The following TOX3 variants were observed in gnomAD, a reference collection of about 807,000 sequenced individuals.
The protein encoded by TOX3 is TOX high mobility group box family member 3, also known as CAG trinucleotide repeat-containing gene F9 protein.
TOX3 carries 22 observed loss-of-function variants against 64.3 expected under a neutral mutation model. The ratio of observed to expected loss-of-function variants is 0.34; its 90% CI spans 0.24 to 0.49. The LOEUF (loss-of-function observed/expected upper bound fraction) is 0.49. Among genes scored for constraint, TOX3 ranks in the 20% least tolerant of loss-of-function variants. TOX3 has a pLI of 0.99. For synonymous variants in TOX3, 291 were observed against 273.6 expected, an observed-to-expected ratio of 1.06 and a Z score of -0.63; for missense variants, 661 against 714.4, an observed-to-expected ratio of 0.93 and a Z score of 0.85.
intron 3 of TOX3, among the ~76,000 whole-genome samples, chr16:52,455,615 T>A (rs28437415): frequency 6.6e-6 from 1 of 152,072 alleles, no homozygotes; most frequent in Non-Finnish European, 1.5e-5. Context: ...AAGAGAGTTA[T>A]TGGGGAAGGA....
chr16:52,470,226 T>C (rs1596800776), intron 1 of TOX3, among the ~76,000 whole-genome samples: 1 of 152,242 alleles, frequency 6.6e-6, no homozygotes, highest in East Asian at 1.9e-4. Flanking sequence ...TTTTGATGAA[T>C]GAATGATGCT....
At chr16:52,488,359 C>T (rs2151455176) in intron 1 of TOX3, among the ~76,000 whole-genome samples, 1 of 152,260 alleles carries the variant, frequency 6.6e-6, no homozygotes, top group Non-Finnish European at 1.5e-5. Context: ...CTCTTCCTTT[C>T]TATCTCTTTT....
chr16:52,493,815 A>G (rs1961766046), intron 1 of TOX3, among the ~76,000 whole-genome samples: 1 of 152,094 alleles, frequency 6.6e-6, no homozygotes, highest in Non-Finnish European at 1.5e-5. Context: ...ACTCCTACCC[A>G]TTTAAGCACA....
chr16:52,511,429 T>A (rs1049094393), intron 1 of TOX3, among the ~76,000 whole-genome samples: 3 of 151,970 alleles, frequency 2.0e-5, no homozygotes, highest in Non-Finnish European at 2.9e-5. Context: ...GAGGCGGAGG[T>A]TGCAGTGGGC....
Position 52,546,739 on chromosome 16 carries a change from G to C in TOX3, c.-16C>G. ...TCACATCCATGCCGAAGCTGGGCCC[G>C]GGGCCGGGGGCCGGGACTGGGGTTC... On this transcript the variant is annotated 5_prime_UTR_variant, in exon 1 of 7. Transcript: ENST00000219746. The C allele has an allele frequency of 1.3e-6, 2 of 1,502,164 alleles. No individual in the cohort carries two copies. Among genetic ancestry groups the C allele is most frequent in the Non-Finnish European group, 1.8e-6 (2 of 1,130,420 alleles). 93.1% of individuals were successfully genotyped at this position (1,502,164 alleles called of 1,614,324 possible).
intron 1 of TOX3, among the ~76,000 whole-genome samples, chr16:52,498,587 T>G (rs1055130805): frequency 1.3e-5 from 2 of 151,250 alleles, no homozygotes; most frequent in African/African-American, 2.4e-5. Flanking sequence ...CTTTGTGGGG[T>G]TGGGGGGGGG....
intron 1 of TOX3, among the ~76,000 whole-genome samples, chr16:52,501,844 A>G (rs1567338311): frequency 6.6e-6 from 1 of 152,208 alleles, no homozygotes; most frequent in African/African-American, 2.4e-5. Context: ...TGTAAGAGAC[A>G]ACCATGTCAA....
At chr16:52,503,287 G>C (rs912951822) in intron 1 of TOX3, among the ~76,000 whole-genome samples, 1 of 152,144 alleles carries the variant, frequency 6.6e-6, no homozygotes, top group African/African-American at 2.4e-5. Context: ...TTGGGAAACT[G>C]ACCTGCCATC....
intron 1 of TOX3, among the ~76,000 whole-genome samples, chr16:52,517,102 A>G (rs1356882695): frequency 6.6e-5 from 10 of 152,192 alleles, no homozygotes; most frequent in Admixed American, 6.6e-4. Flanking sequence ...AATGAGTACA[A>G]AAATTAGGGG....
Position 52,450,284 on chromosome 16 carries a change from G to C in TOX3, c.671C>G (p.Ala224Gly), listed in dbSNP as rs73583125. The C allele has an allele frequency of 2.0e-3, 3,201 of 1,613,990 alleles. 62 individuals are homozygous for C. The African/African-American group carries it at 0.038, about 19-fold the overall frequency. ...SSINEEDADEANRAIGEKRAA... is the reference protein window; with the variant it reads ...SSINEEDADEGNRAIGEKRAA... Reference sequence around the variant, plus strand: ...AAGGCAGTTCTAACTTACTCTGTTGGCTTCATCAGCATCCTCTTCATTGAT... The same window carrying C: ...AAGGCAGTTCTAACTTACTCTGTTGCCTTCATCAGCATCCTCTTCATTGAT... Residue 224 changes from alanine (A) to glycine (G), a missense_variant, in exon 4 of 7, where the codon GCC becomes GGC. Physicochemically the swap from Ala to Gly is moderately conservative, Grantham distance 60. This residue lies in a region of TOX3 where 103 missense variants were observed against 161.2 expected (regional missense o/e 0.64). Transcript: ENST00000219746.
intron 1 of TOX3, among the ~76,000 whole-genome samples, chr16:52,535,664 C>T (rs1440732583): frequency 2.0e-5 from 3 of 152,170 alleles, no homozygotes; most frequent in Admixed American, 2.0e-4. Flanking sequence ...CTAATGTACC[C>T]TCTTTGCTAT....
intron 2 of TOX3, among the ~76,000 whole-genome samples, chr16:52,464,841 T>C (rs529141512): frequency 1.3e-5 from 2 of 152,056 alleles, no homozygotes; most frequent in South Asian, 4.1e-4. Context: ...ACATGAACAT[T>C]TTAATATGTA....
chr16:52,497,955 C>T (rs890623096), intron 1 of TOX3, among the ~76,000 whole-genome samples: 2 of 152,120 alleles, frequency 1.3e-5, no homozygotes, highest in African/African-American at 4.8e-5. Context: ...TATTGAGATT[C>T]ACCGTAGAAC....
At chr16:52,522,745 GT>G (rs1401941315) in intron 1 of TOX3, among the ~76,000 whole-genome samples, 4 of 152,212 alleles carry the variant, frequency 2.6e-5, no homozygotes, top group Non-Finnish European at 4.4e-5. Flanking sequence ...TGTGCAGATG[GT>G]TCCCAAGTCT....
chr16:52,526,359 G>A (rs1265707738), intron 1 of TOX3, among the ~76,000 whole-genome samples: 1 of 152,164 alleles, frequency 6.6e-6, no homozygotes, highest in Non-Finnish European at 1.5e-5. Context: ...TAATGAATTG[G>A]TCAATTCTGT....
chr16:52,532,329 C>A (rs1307345508), intron 1 of TOX3, among the ~76,000 whole-genome samples: 1 of 152,158 alleles, frequency 6.6e-6, no homozygotes, highest in Non-Finnish European at 1.5e-5. Context: ...GTAGAAGGAA[C>A]AGTGTGCCAT....
At chr16:52,488,441 G>T (rs1246778909) in intron 1 of TOX3, among the ~76,000 whole-genome samples, 2 of 152,124 alleles carry the variant, frequency 1.3e-5, no homozygotes, top group Admixed American at 1.3e-4. Flanking sequence ...GCCCACTACA[G>T]TGGAAGCTTC....
At chr16:52,528,338 A>G (rs971049711) in intron 1 of TOX3, among the ~76,000 whole-genome samples, 1 of 152,106 alleles carries the variant, frequency 6.6e-6, no homozygotes. Context: ...TTAATCACAT[A>G]CAATAACTCT....
intron 1 of TOX3, among the ~76,000 whole-genome samples, chr16:52,500,347 G>A (rs1178423153): frequency 6.6e-6 from 1 of 152,090 alleles, no homozygotes; most frequent in South Asian, 2.1e-4. Context: ...TTAACTCCTG[G>A]CACAGACTTC....
Sources: gnomAD v4.1 joint callset for allele counts (sites outside exome capture counted in the v4.1 genomes callset) on GRCh38, gnomAD v4.1.1 for gene constraint, gnomAD v4.1.1 regional missense constraint, MANE v1.5 for transcripts, NCBI Gene and HGNC (gene_info 2026-07-23, HGNC 2026-07-21) for gene names.